SUPT20H: variants seen among roughly 807,000 people sequenced by gnomAD.
SUPT20H encodes transcription factor SPT20 homolog.
A neutral mutation model predicts 122.8 loss-of-function variants in SUPT20H; 82 were observed. The observed-to-expected ratio is 0.67, with a 90% CI of 0.56 to 0.80. SUPT20H has a LOEUF of 0.80. Ranked by LOEUF, SUPT20H falls within the 30% of genes least tolerant of loss-of-function variation. The pLI, the probability that SUPT20H is intolerant of heterozygous loss-of-function variation, is 0.00. For missense variants in SUPT20H, 831 were observed against 921.6 expected, an observed-to-expected ratio of 0.90 and a Z score of 1.27; for synonymous variants, 291 against 313.0, an observed-to-expected ratio of 0.93 and a Z score of 0.74.
chr13:37,033,723 A>G (rs2063821021), intron 9 of SUPT20H, 135 bp from the exon 10 acceptor site: 7 of 958,150 alleles, frequency 7.3e-6, no homozygotes, highest in Admixed American at 3.4e-5. Flanking sequence ...TCAAGTTCCA[A>G]TGTTAGTGTG....
intron 9 of SUPT20H, among the ~76,000 whole-genome samples, chr13:37,037,258 T>C (rs1337744929): frequency 1.3e-5 from 2 of 151,808 alleles, no homozygotes; most frequent in Non-Finnish European, 2.9e-5. Flanking sequence ...TAGTTAAGTA[T>C]TAGAGGAGTC....
At chr13:37,043,770 T>C (rs1381809557) in intron 7 of SUPT20H, among the ~76,000 whole-genome samples, 1 of 150,542 alleles carries the variant, frequency 6.6e-6, no homozygotes, top group African/African-American at 2.4e-5. Context: ...AATCCTGCAG[T>C]GGTACAGGAG....
chr13:37,022,329 G>A lies in SUPT20H; in HGVS notation c.1592-249C>T. 7.5e-7 allele frequency: 1 copy of A among 1,328,330 alleles called. No individual in the cohort carries two copies. Among genetic ancestry groups the A allele is most frequent in the Non-Finnish European group, 9.6e-7 (1 of 1,038,558 alleles). 82.3% of individuals were successfully genotyped at this position (1,328,330 alleles called of 1,614,324 possible). A position where few individuals can be genotyped will look rare whatever the true frequency, so the allele number is the denominator to read the frequency against. On this transcript the variant is annotated intron_variant, in intron 19 of 25. Transcript: ENST00000350612. This position sits in a 1 kb window ranked among gnomAD's most constrained non-coding sequence, Gnocchi z 4.5. ...AGGAGTTCCAGATCCTGCTCATTGA[G>A]AAAAATAAAAATTGCTAGTTTGTTA...
At position 37,051,534 on chromosome 13, in the gene SUPT20H, C is replaced by A. The variant is rs756592262; in HGVS notation, c.-44G>T. Reference sequence around the variant, plus strand: ...TCCAAAAGAAGAGATAACTTATGTACGCTGATGAAGTGGGGTGAACACCAT... The same window carrying A: ...TCCAAAAGAAGAGATAACTTATGTAAGCTGATGAAGTGGGGTGAACACCAT... On this transcript the variant is annotated 5_prime_UTR_variant, in exon 2 of 26. Coordinates refer to ENST00000350612, the MANE Select transcript of SUPT20H (RefSeq NM_001014286.3). 8 of 1,603,692 alleles carry A rather than the reference C, an allele frequency of 5.0e-6. No homozygotes were observed. Among genetic ancestry groups the A allele is most frequent in the Non-Finnish European group, 6.8e-6 (8 of 1,172,872 alleles).
At chr13:37,029,175 C>T (rs1212710938) in intron 13 of SUPT20H, among the ~76,000 whole-genome samples, 4 of 152,002 alleles carry the variant, frequency 2.6e-5, no homozygotes, top group Admixed American at 2.0e-4. Context: ...TAATTAGAAA[C>T]AAAACAAATC....
At chr13:37,017,864 A>G (rs2060788418) in intron 22 of SUPT20H, among the ~76,000 whole-genome samples, 2 of 152,196 alleles carry the variant, frequency 1.3e-5, no homozygotes, top group Admixed American at 1.3e-4. Context: ...GTCCATATTT[A>G]TTCTGTAGAC....
chr13:37,026,181 A>G (rs1279096271), intron 16 of SUPT20H, 23 bp downstream of exon 16: 1 of 1,559,370 alleles, frequency 6.4e-7, no homozygotes, highest in Non-Finnish European at 8.6e-7. Context: ...CCTGACCAAA[A>G]TAAGAGATGC....
Position 37,019,402 on chromosome 13 carries a change from T to C in SUPT20H, c.1817-5A>G. 6 of 1,597,150 alleles carry C rather than the reference T, an allele frequency of 3.8e-6. No individual in the cohort carries two copies. The highest frequency in any genetic ancestry group is 1.1e-5 in the South Asian group (1 of 88,010). ...TTTTTAAACCAAATGGAACACCTGT[T>C]AAATAAAACTCATGGTTATAACAGA... On this transcript the variant is annotated splice_polypyrimidine_tract_variant and splice_region_variant and intron_variant, in intron 21 of 25. Coordinates refer to ENST00000350612, the MANE Select transcript of SUPT20H (RefSeq NM_001014286.3).
chr13:37,023,853 T>TAC, intron 19 of SUPT20H, 182 bp downstream of exon 19: 1 of 508,578 alleles, frequency 2.0e-6, no homozygotes, highest in Admixed American at 3.9e-5. Context: ...CAAGTACAAT[T>TAC]ACAATAGAGA....
In SUPT20H at chr13:37,031,564, T is replaced by C. The variant is rs1469396197; in HGVS notation, c.921+3A>G. The C allele has an allele frequency of 1.3e-6, 2 of 1,545,834 alleles. No individual in the cohort carries two copies. Among genetic ancestry groups the C allele is most frequent in the African/African-American group, 1.4e-5 (1 of 71,698 alleles). ...AAAAAAAGTAATTCATGAACTGACT[T>C]ACATCTACTTCAGAAGGTATGGCCA... On this transcript the variant is annotated splice_donor_region_variant and intron_variant, in intron 12 of 25. Coordinates refer to ENST00000350612, the MANE Select transcript of SUPT20H (RefSeq NM_001014286.3).
intron 16 of SUPT20H, chr13:37,025,846 C>A (rs2062161906): frequency 4.8e-6 from 1 of 210,026 alleles, no homozygotes; most frequent in Non-Finnish European, 9.3e-6. Context: ...TTAAACATTT[C>A]TTTTGTTTTC....
chr13:37,010,204 AGGTATG>A (rs1488790288), intron 25 of SUPT20H, among the ~76,000 whole-genome samples: 1 of 152,220 alleles, frequency 6.6e-6, no homozygotes, highest in Admixed American at 6.5e-5. Context: ...CTAAATAAAC[AGGTATG>A]ACATTTACTA....
chr13:37,017,424 A>G lies in SUPT20H; in HGVS notation c.1873-60T>C, dbSNP rs143163468. 1,746 of 1,476,810 alleles carry G rather than the reference A, an allele frequency of 1.2e-3. 50 individuals are homozygous for G. The East Asian group carries it at 0.04, about 34-fold the overall frequency. The allele number at this position is 1,476,810 out of a possible 1,614,324, so 91.5% of individuals were successfully genotyped here. ...ACATGATTTTATATCAAATATTTAAATTTATTCTACAAATATTTTTGGATC... is the reference window on the plus strand; with the variant it reads ...ACATGATTTTATATCAAATATTTAAGTTTATTCTACAAATATTTTTGGATC... On this transcript the variant is annotated intron_variant, in intron 22 of 25. Coordinates refer to ENST00000350612, the MANE Select transcript of SUPT20H (RefSeq NM_001014286.3).
intron 2 of SUPT20H, among the ~76,000 whole-genome samples, chr13:37,050,290 G>A (rs2067379633): frequency 6.8e-6 from 1 of 147,516 alleles, no homozygotes; most frequent in Non-Finnish European, 1.5e-5. Context: ...GGAGGCCAAG[G>A]TGGGAAATCA....
chr13:37,054,886 A>G (rs1202115505), intron 1 of SUPT20H, among the ~76,000 whole-genome samples: 1 of 152,222 alleles, frequency 6.6e-6, no homozygotes, highest in Non-Finnish European at 1.5e-5. Context: ...TCAGACCAAA[A>G]ACTCCTTAAG....
At chr13:37,009,942 C>A in intron 25 of SUPT20H, 133 bp from the exon 26 acceptor site, 1 of 1,259,616 alleles carries the variant, frequency 7.9e-7, no homozygotes, top group Middle Eastern at 2.6e-4. Flanking sequence ...GACTATACCA[C>A]ATTGAGACAA....
chr13:37,024,352 T>C lies in SUPT20H; in HGVS notation c.1420A>G (p.Asn474Asp). 6.3e-7 allele frequency: 1 copy of C among 1,586,558 alleles called. No individual in the cohort carries two copies. Among genetic ancestry groups the C allele is most frequent in the Admixed American group, 1.9e-5 (1 of 53,448 alleles). ...PPIKLPSSSG[N>D]SSSGNYFTPQ... ...AGAAATGTAATACCTGAGGAACTAT[T>C]TCCTGAGCTTGAGGGAAGTTTGATT... is the stretch of plus-strand genomic sequence containing the variant. Residue 474 changes from asparagine (N) to aspartate (D), a missense_variant, in exon 18 of 26, where the codon AAT (asparagine) becomes GAT (aspartate). By Grantham distance (23) the Asn-to-Asp change is conservative. Transcript: ENST00000350612.
In SUPT20H at chr13:37,010,540, T is replaced by C. The variant is rs147648499; in HGVS notation, c.2202+12A>G. On this transcript the variant is annotated intron_variant, in intron 25 of 25. Transcript: ENST00000350612. ...CTTTAAAAATGTAATCAGAGTGAAG[T>C]TGCTGGATTACTTGTATCTGTTGCT... 3 of 1,608,526 alleles carry C rather than the reference T, an allele frequency of 1.9e-6. No individual in the cohort carries two copies. The East Asian group carries it at 6.7e-5, about 36-fold the overall frequency.
chr13:37,043,939 T>C (rs1291389944), intron 7 of SUPT20H, 139 bp downstream of exon 7: 2 of 559,056 alleles, frequency 3.6e-6, no homozygotes, highest in African/African-American at 2.0e-5. Flanking sequence ...GGAACAGTGA[T>C]AGAAATTAAA....
Sources: allele counts gnomAD v4.1 joint callset (sites outside exome capture counted in the v4.1 genomes callset), GRCh38; gene constraint gnomAD v4.1.1; non-coding constraint Gnocchi (gnomAD v3.1); transcripts MANE v1.5; gene names NCBI Gene and HGNC (gene_info 2026-07-23, HGNC 2026-07-21).